Variants in PAK6 observed in about 807,000 individuals in gnomAD.
PAK6 encodes the protein serine/threonine-protein kinase PAK 6.
PAK6 carries 33 observed loss-of-function variants against 60.8 expected under a neutral mutation model. That is an observed-to-expected ratio of 0.54 (90% CI 0.41 to 0.73). The LOEUF (loss-of-function observed/expected upper bound fraction) is 0.73, where lower values mean the gene tolerates loss of function less well. Among genes scored for constraint, PAK6 ranks in the 30% least tolerant of loss-of-function variants. PAK6 has a pLI of 0.00. For missense variants in PAK6, 845 were observed against 904.1 expected (o/e 0.93, Z 0.84); for synonymous variants, 404 against 378.5 (o/e 1.07, Z -0.78).
chr15:40,249,891 G>A (rs896983268), intron 2 of PAK6, among the ~76,000 whole-genome samples: 8 of 152,244 alleles, frequency 5.3e-5, no homozygotes, highest in Non-Finnish European at 1.2e-4. Context: ...CACTCCAAGA[G>A]CCATGTCCCC....
At chr15:40,268,246 G>A (rs1054730329) in intron 5 of PAK6, among the ~76,000 whole-genome samples, 14 of 152,238 alleles carry the variant, frequency 9.2e-5, no homozygotes, top group Middle Eastern at 3.4e-3. Context: ...GAGACCCCCC[G>A]AGCTGCTCCG....
chr15:40,260,367 C>T (rs955567780), intron 3 of PAK6: 1 of 152,150 alleles, frequency 6.6e-6, no homozygotes, highest in African/African-American at 2.4e-5. Context: ...TCATCCATTC[C>T]CCCAGCATGT....
rs150514693 is a variant in PAK6 at position 40,250,230 on chromosome 15, C to T, written c.-117-2948C>T. Among the ~76,000 whole-genome samples the T allele has an allele frequency of 3.8e-3, 575 of 152,358 alleles. 7 individuals are homozygous for T. Among genetic ancestry groups the T allele is most frequent in the African/African-American group, 0.014 (562 of 41,576 alleles). Reference sequence around the variant, plus strand: ...GAGAGTCACACACAGGAATTAATCACTCAGGACCTACCCTGAATGGATGAT... The same window carrying T: ...GAGAGTCACACACAGGAATTAATCATTCAGGACCTACCCTGAATGGATGAT... On this transcript the variant is annotated intron_variant, in intron 2 of 10. Transcript: ENST00000560346.
At chr15:40,274,524 G>A (rs1448472824) in intron 10 of PAK6, among the ~76,000 whole-genome samples, 1 of 152,234 alleles carries the variant, frequency 6.6e-6, no homozygotes, top group Non-Finnish European at 1.5e-5. Context: ...TGGCAGAAGG[G>A]TTGCTGCTTG....
rs779788238 is a variant in PAK6, at chr15:40,253,305, GC to G, written c.-6+21del. Reference sequence around the variant, plus strand: ...GCGCCGGAAGGTGAGTGAGCGAGCGGCCCCCGGCCCTAGAGCCTTCTGCACC... The same window carrying G: ...GCGCCGGAAGGTGAGTGAGCGAGCGGCCCCGGCCCTAGAGCCTTCTGCACC... On this transcript the variant is annotated intron_variant, in intron 3 of 10. Coordinates refer to ENST00000560346, the Ensembl canonical transcript of PAK6. The G allele has an allele frequency of 2.0e-5, 9 of 454,890 alleles. No homozygotes were observed. Among genetic ancestry groups the G allele is most frequent in the Non-Finnish European group, 3.1e-5 (7 of 226,722 alleles). 28.2% of individuals were successfully genotyped at this position (454,890 alleles called of 1,614,324 possible). A position where few individuals can be genotyped will look rare whatever the true frequency, so the allele number is the denominator to read the frequency against.
chr15:40,264,309 A>G (rs2039061055), intron 3 of PAK6: 1 of 370,358 alleles, frequency 2.7e-6, no homozygotes. Context: ...TTACGTTCCT[A>G]AATGATATTG....
chr15:40,241,084 A>T (rs571855725), intron 2 of PAK6, among the ~76,000 whole-genome samples: 11 of 152,118 alleles, frequency 7.2e-5, no homozygotes, highest in African/African-American at 2.7e-4. Context: ...GCTGGGTTTG[A>T]CCTGGCACAG....
At chr15:40,265,845 G>T in exon 5 of PAK6, 1 of 1,520,640 alleles carries the variant, frequency 6.6e-7, no homozygotes, top group East Asian at 2.3e-5. Context: ...CCTACAGACA[G>T]TGGTGCGGGG....
chr15:40,265,887 G>C, exon 5 of PAK6: 1 of 1,573,228 alleles, frequency 6.4e-7, no homozygotes, highest in Non-Finnish European at 8.7e-7. Context: ...CTACATCTCG[G>C]GGCTGCTCAA....
chr15:40,252,866 G>A (rs1202728225), intron 2 of PAK6: 1 of 1,253,684 alleles, frequency 8.0e-7, no homozygotes, highest in South Asian at 1.3e-5. Context: ...TCCCTCCGCG[G>A]GCGCCCGCCC....
At chr15:40,275,416 GC>G (rs1369655949) in intron 10 of PAK6, among the ~76,000 whole-genome samples, 2 of 150,562 alleles carry the variant, frequency 1.3e-5, no homozygotes, top group Non-Finnish European at 3.0e-5. Flanking sequence ...CTCCTGAGTA[GC>G]TGGGATTACA....
In PAK6 at chr15:40,266,200, C is replaced by G. The variant is rs368829109; in HGVS notation, c.563C>G (p.Ala188Gly). ...CTGGGCCCCGCCGAGTTTCAGGGTG[C>G]CTCGCAGCGCTGTCTGCAGCTGGGT... The change falls in exon 5 of 11, where the codon GCC (alanine) becomes GGC (glycine). Residue 188 changes from alanine (A) to glycine (G), a missense_variant. By Grantham distance (60) the Ala-to-Gly change is moderately conservative. Transcript: ENST00000560346. 268 of 1,609,368 alleles carry G rather than the reference C, an allele frequency of 1.7e-4. No homozygotes were observed. Among genetic ancestry groups the G allele is most frequent in the Admixed American group, 3.0e-4 (18 of 59,968 alleles).
intron 3 of PAK6, chr15:40,264,011 T>A: frequency 2.2e-6 from 1 of 452,050 alleles, no homozygotes; most frequent in South Asian, 1.6e-5. Context: ...TACCCCTAAG[T>A]TAGCTGCCCC....
At chr15:40,274,305 G>A (rs1194527587) in intron 10 of PAK6, 29 bp downstream of exon 10, 28 of 1,562,284 alleles carry the variant, frequency 1.8e-5, no homozygotes, top group South Asian at 2.4e-5. Flanking sequence ...GTGCGACCTC[G>A]CAGACCCCAT....
intron 5 of PAK6, among the ~76,000 whole-genome samples, chr15:40,271,940 C>A (rs1036125579): frequency 5.2e-4 from 79 of 152,298 alleles, no homozygotes; most frequent in African/African-American, 1.8e-3. Context: ...CAGGACCCGG[C>A]GGGGAGCTGG....
intron 2 of PAK6, chr15:40,245,610 A>C (rs1263117257): frequency 1.3e-5 from 2 of 152,466 alleles, no homozygotes; most frequent in Non-Finnish European, 2.9e-5. Context: ...CTGCCCCAGG[A>C]AAGAGCTGGC....
chr15:40,252,692 G>A (rs1436912245), intron 2 of PAK6: 1 of 1,308,420 alleles, frequency 7.6e-7, no homozygotes, highest in Non-Finnish European at 1.0e-6. Flanking sequence ...CGCTCCGCAG[G>A]TGGGTTCCCC....
intron 10 of PAK6, 138 bp from the exon 11 acceptor site, chr15:40,275,789 G>T: frequency 1.3e-6 from 1 of 745,238 alleles, no homozygotes. Flanking sequence ...GAGCCTTGAG[G>T]GGGTGGGGAG....
At position 40,262,998 on chromosome 15, in the gene PAK6, G is replaced by A. The variant is rs560794694; in HGVS notation, c.-5-1783G>A. ...GTGGCTCTACCTCTAGGGGGTGTTC[G>A]GTGGATCCCGAACCTCAAGACCCAG... On this transcript the variant is annotated intron_variant, in intron 3 of 10. Transcript: ENST00000560346. Among the ~76,000 whole-genome samples the A allele has an allele frequency of 3.9e-5, 6 of 152,226 alleles. No individual in the cohort carries two copies. The East Asian group carries it at 9.6e-4, about 24-fold the overall frequency.
Sources: gnomAD v4.1 joint callset for allele counts (sites outside exome capture counted in the v4.1 genomes callset) on GRCh38, gnomAD v4.1.1 for gene constraint, MANE v1.5 for transcripts, NCBI Gene and HGNC (gene_info 2026-07-23, HGNC 2026-07-21) for gene names.